Variants in FGD4 observed in about 807,000 individuals in gnomAD.
The protein encoded by FGD4 is FYVE, RhoGEF and PH domain containing 4, also known as FYVE, RhoGEF and PH domain-containing protein 4.
FGD4 carries 42 observed loss-of-function variants against 102.0 expected under a neutral mutation model. The observed-to-expected ratio is 0.41, with a 90% CI of 0.32 to 0.53. FGD4 has a LOEUF of 0.53. FGD4 is among the 20% of genes least tolerant of loss of function. FGD4 has a pLI of 0.21. For missense variants in FGD4, 902 were observed against 1,078.2 expected (o/e 0.84, Z 2.29); for synonymous variants, 380 against 375.7 (o/e 1.01, Z -0.13).
chr12:32,566,586 A>G (rs968386589), intron 2 of FGD4, among the ~76,000 whole-genome samples: 1 of 152,162 alleles, frequency 6.6e-6, no homozygotes, highest in Non-Finnish European at 1.5e-5. Flanking sequence ...TGCGCCATGC[A>G]GGGACCAACG....
intron 1 of FGD4, among the ~76,000 whole-genome samples, chr12:32,412,437 T>C (rs1941244525): frequency 1.3e-5 from 2 of 152,164 alleles, no homozygotes; most frequent in African/African-American, 4.8e-5. Context: ...CTCAGGAGGC[T>C]GTGTTTTGGG....
At chr12:32,494,101 A>G (rs1178546543) in intron 1 of FGD4, among the ~76,000 whole-genome samples, 4 of 152,256 alleles carry the variant, frequency 2.6e-5, no homozygotes, top group Non-Finnish European at 5.9e-5. Flanking sequence ...GCTGGAGTGC[A>G]GTGGTGTGAT....
In FGD4 at chr12:32,453,237, AT is replaced by A. The variant is rs60006767; in HGVS notation, c.166+53291del. ...ATATATATAATATAGATATATATAT[AT>A]TTTTTTTTTTTTAAATGTAGAGCCT... On this transcript the variant is annotated intron_variant, in intron 1 of 16. Coordinates refer to ENST00000534526, the MANE Select transcript of FGD4 (RefSeq NM_001370298.3). Among the ~76,000 whole-genome samples, 138 of 90,520 alleles carry A rather than the reference AT, an allele frequency of 1.5e-3. 1 individual carries two copies. The South Asian group carries it at 0.019, about 13-fold the overall frequency. The allele number at this position is 90,520 out of a possible 152,430, so 59.4% of individuals were successfully genotyped here. A position where few individuals can be genotyped will look rare whatever the true frequency, so the allele number is the denominator to read the frequency against.
At chr12:32,411,533 C>G (rs779326406) in intron 1 of FGD4, among the ~76,000 whole-genome samples, 12 of 151,902 alleles carry the variant, frequency 7.9e-5, no homozygotes, top group Non-Finnish European at 1.5e-4. Flanking sequence ...GACTCCGTCT[C>G]ACAACAGCAA....
chr12:32,416,228 G>A (rs554989652), intron 1 of FGD4, among the ~76,000 whole-genome samples: 2 of 152,192 alleles, frequency 1.3e-5, no homozygotes, highest in African/African-American at 2.4e-5. Context: ...TTGAACTCCC[G>A]TGCTCAAGCA....
At chr12:32,525,187 A>G (rs1941012413) in intron 1 of FGD4, among the ~76,000 whole-genome samples, 1 of 152,082 alleles carries the variant, frequency 6.6e-6, no homozygotes, top group Non-Finnish European at 1.5e-5. Flanking sequence ...GGGTTTTGTG[A>G]CCCAACAATC....
At chr12:32,415,842 C>A (rs780559467) in intron 1 of FGD4, among the ~76,000 whole-genome samples, 1 of 152,142 alleles carries the variant, frequency 6.6e-6, no homozygotes, top group African/African-American at 2.4e-5. Context: ...TCTCTTGAAA[C>A]CTATTTCATC....
chr12:32,472,613 C>T (rs1214901518), intron 1 of FGD4, among the ~76,000 whole-genome samples: 1 of 152,236 alleles, frequency 6.6e-6, no homozygotes, highest in African/African-American at 2.4e-5. Context: ...GCCTCCCGGA[C>T]GAGCACCACC....
At chr12:32,524,596 G>A (rs776121356) in intron 1 of FGD4, among the ~76,000 whole-genome samples, 3 of 151,888 alleles carry the variant, frequency 2.0e-5, no homozygotes, top group Non-Finnish European at 2.9e-5. Flanking sequence ...GGGCCAAGAT[G>A]GGAGGACCGC....
chr12:32,489,912 G>A (rs1343043526), intron 1 of FGD4, among the ~76,000 whole-genome samples: 1 of 152,108 alleles, frequency 6.6e-6, no homozygotes, highest in African/African-American at 2.4e-5. Flanking sequence ...AGCCAAACAT[G>A]TTTTTCTCCT....
intron 1 of FGD4, among the ~76,000 whole-genome samples, chr12:32,528,473 C>T (rs1401237577): frequency 6.6e-6 from 1 of 152,184 alleles, no homozygotes; most frequent in Non-Finnish European, 1.5e-5. Flanking sequence ...ACTGCAACCT[C>T]TGCCTCCCAG....
intron 7 of FGD4, among the ~76,000 whole-genome samples, chr12:32,603,368 G>A (rs550455733): frequency 6.6e-5 from 10 of 151,824 alleles, no homozygotes; most frequent in South Asian, 4.2e-4. Flanking sequence ...TGGTATATGG[G>A]TTTTTCCTTT....
chr12:32,408,710 T>C (rs1941063297), intron 1 of FGD4, among the ~76,000 whole-genome samples: 1 of 152,354 alleles, frequency 6.6e-6, no homozygotes, highest in Admixed American at 6.5e-5. Context: ...GGCTTGTGTT[T>C]ACAACATTGG....
rs576049840 is a variant in FGD4 at position 32,592,120 on chromosome 12, T to A, written c.1012-6377T>A. On this transcript the variant is annotated intron_variant, in intron 4 of 16. Coordinates refer to ENST00000534526, the MANE Select transcript of FGD4 (RefSeq NM_001370298.3). ...TTTTTTGAGACAGAGTCTCACTCTT[T>A]CGCCCAGGCTGCGGTGCAATGGTGT... Among the ~76,000 whole-genome samples, 22 of 152,168 alleles carry A rather than the reference T, an allele frequency of 1.4e-4. No homozygotes were observed. The East Asian group carries it at 4.1e-3, about 28-fold the overall frequency.
chr12:32,633,695 A>G lies in FGD4; in HGVS notation c.2313+6A>G. ...AAAGAAAAGGAATTTTAGAGGTAAG[A>G]AATATTAAATATTGGATATCTTTTA... On this transcript the variant is annotated splice_donor_region_variant and intron_variant, in intron 15 of 16. Coordinates refer to ENST00000534526, the MANE Select transcript of FGD4 (RefSeq NM_001370298.3). 6.3e-7 allele frequency: 1 copy of G among 1,580,672 alleles called. No individual in the cohort carries two copies. The highest frequency in any genetic ancestry group is 8.7e-7 in the Non-Finnish European group (1 of 1,151,488).
chr12:32,503,113 C>T (rs927493272), intron 1 of FGD4, among the ~76,000 whole-genome samples: 2 of 152,194 alleles, frequency 1.3e-5, no homozygotes, highest in African/African-American at 4.8e-5. Flanking sequence ...TGTAAGGCAG[C>T]ATTGTATCCC....
At chr12:32,581,853 GA>G (rs1215364832) in intron 3 of FGD4, 106 bp from the exon 4 acceptor site, 159 of 1,232,602 alleles carry the variant, frequency 1.3e-4, no homozygotes, top group Middle Eastern at 2.5e-4. Context: ...ATCAGAGATA[GA>G]AAAAAAAAGT....
chr12:32,420,686 C>T lies in FGD4; in HGVS notation c.166+20727C>T, dbSNP rs1006941966. ...TTTCCCTGACTAGAAAAAATTCCTCCTGCTTTCACTGTTGTCAGTCACCTC... is the reference window on the plus strand; with the variant it reads ...TTTCCCTGACTAGAAAAAATTCCTCTTGCTTTCACTGTTGTCAGTCACCTC... On this transcript the variant is annotated intron_variant, in intron 1 of 16. Transcript: ENST00000534526. Among the ~76,000 whole-genome samples, 3 of 152,228 alleles carry T rather than the reference C, an allele frequency of 2.0e-5. No homozygotes were observed. The East Asian group carries it at 5.8e-4, about 29-fold the overall frequency.
intron 1 of FGD4, among the ~76,000 whole-genome samples, chr12:32,474,933 G>T (rs1265369133): frequency 6.6e-6 from 1 of 152,122 alleles, no homozygotes; most frequent in African/African-American, 2.4e-5. Context: ...TTTTTGGTGT[G>T]ATGAAAAGGT....
Sources: allele counts gnomAD v4.1 joint callset (sites outside exome capture counted in the v4.1 genomes callset), GRCh38; gene constraint gnomAD v4.1.1; transcripts MANE v1.5; gene names NCBI Gene and HGNC (gene_info 2026-07-23, HGNC 2026-07-21).